The following OGDH variants were observed in gnomAD, a reference collection of about 807,000 sequenced individuals.
OGDH encodes the protein oxoglutarate dehydrogenase, also known as 2-oxoglutarate dehydrogenase complex component E1.
A neutral mutation model predicts 116.6 loss-of-function variants in OGDH; 38 were observed. The observed-to-expected ratio is 0.33, with a 90% CI of 0.25 to 0.43. OGDH has a LOEUF of 0.43. Ranked by LOEUF, OGDH falls within the 20% of genes least tolerant of loss-of-function variation. OGDH has a pLI of 1.00. For synonymous variants in OGDH, 488 were observed against 533.3 expected (o/e 0.92, Z 1.17); for missense variants, 825 against 1,357.2 (o/e 0.61, Z 6.16).
At position 44,694,029 on chromosome 7, in the gene OGDH, T is replaced by A. The variant is rs200201885; in HGVS notation, c.1515+25T>A. On this transcript the variant is annotated intron_variant, in intron 11 of 22. Transcript: ENST00000222673. This position sits in a 1 kb window ranked among gnomAD's most constrained non-coding sequence, Gnocchi z 4.2. ...GGTGAGTGACTCTGGGGACAGCACG[T>A]CCTGGGCAGAGCATCTGACCCACCC... 1.8e-5 allele frequency: 28 copies of A among 1,595,270 alleles called. No homozygotes were observed. In the African/African-American group the frequency reaches 3.6e-4, roughly 21 times the overall value.
intron 10 of OGDH, among the ~76,000 whole-genome samples, chr7:44,683,489 C>T (rs1788013886): frequency 6.6e-6 from 1 of 152,072 alleles, no homozygotes; most frequent in African/African-American, 2.4e-5. Flanking sequence ...TCTTGGTCTC[C>T]CAAAGCACTG....
chr7:44,624,093 T>C (rs911168981), intron 1 of OGDH, among the ~76,000 whole-genome samples: 2 of 152,072 alleles, frequency 1.3e-5, no homozygotes, highest in Non-Finnish European at 2.9e-5. Context: ...GCACATGAAC[T>C]GGTGGCACTG....
intron 10 of OGDH, among the ~76,000 whole-genome samples, chr7:44,685,421 A>C (rs1371340466): frequency 6.6e-6 from 1 of 152,208 alleles, no homozygotes; most frequent in East Asian, 1.9e-4. Flanking sequence ...CTCAAGGTCC[A>C]TCCACGTTAT....
intron 2 of OGDH, among the ~76,000 whole-genome samples, chr7:44,625,007 A>T (rs1222356385): frequency 1.3e-5 from 2 of 151,732 alleles, no homozygotes; most frequent in African/African-American, 2.4e-5. Flanking sequence ...TTATGTTCGT[A>T]TTTTTTTCCT....
intron 10 of OGDH, among the ~76,000 whole-genome samples, chr7:44,685,762 G>T (rs1355565517): frequency 6.6e-6 from 1 of 151,890 alleles, no homozygotes; most frequent in Non-Finnish European, 1.5e-5. Flanking sequence ...GGAATTACAG[G>T]TGTGCACCAC....
chr7:44,625,426 T>C lies in OGDH; in HGVS notation c.222+861T>C, dbSNP rs372204301. On this transcript the variant is annotated intron_variant, in intron 2 of 22. Transcript: ENST00000222673. Reference sequence around the variant, plus strand: ...AGGTATGATCAACCACGCCTGGCCATGTCATGCCTTGTGACAGAATTCCTT... The same window carrying C: ...AGGTATGATCAACCACGCCTGGCCACGTCATGCCTTGTGACAGAATTCCTT... Among the ~76,000 whole-genome samples the C allele has an allele frequency of 1.6e-4, 24 of 152,302 alleles. No individual in the cohort carries two copies. In the East Asian group the frequency reaches 2.7e-3, roughly 17 times the overall value.
Position 44,624,310 on chromosome 7 carries a change from T to TTTTTTTAAG in OGDH, c.-27-7_-27-6insTTTTTTAAG. 5 of 1,102,340 alleles carry TTTTTTTAAG rather than the reference T, an allele frequency of 4.5e-6. No homozygotes were observed. The highest frequency in any genetic ancestry group is 2.5e-6 in the Non-Finnish European group (2 of 812,452). The allele number at this position is 1,102,340 out of a possible 1,614,324, so 68.3% of individuals were successfully genotyped here. Reference sequence around the variant, plus strand: ...TTTCTTGTTTTTTTTTTTTTTTTTTTGTACAGGCAGTTGTGAAAAACTTCA... The same window carrying TTTTTTTAAG: ...TTTCTTGTTTTTTTTTTTTTTTTTTTTTTTTTAAGGTACAGGCAGTTGTGAAAAACTTCA... On this transcript the variant is annotated splice_region_variant and splice_polypyrimidine_tract_variant and intron_variant, in intron 1 of 22. Coordinates refer to ENST00000222673, the MANE Select transcript of OGDH (RefSeq NM_002541.4).
intron 3 of OGDH, 85 bp downstream of exon 3, chr7:44,645,603 T>C (rs1406134983): frequency 1.5e-6 from 2 of 1,307,504 alleles, no homozygotes; most frequent in East Asian, 4.9e-5. Flanking sequence ...CCTTTCTGAG[T>C]GTATGTTGTC....
rs866467335 is a variant in OGDH, at chr7:44,666,836, C to T, written c.618C>T (p.Ile206=). 1.2e-6 allele frequency: 2 copies of T among 1,609,064 alleles called. No individual in the cohort carries two copies. The highest frequency in any genetic ancestry group is 1.7e-6 in the Non-Finnish European group (2 of 1,177,394). Residue 206 remains isoleucine (I), a synonymous_variant, in exon 5 of 23, where the codon ATC becomes ATT. Coordinates refer to ENST00000222673, the MANE Select transcript of OGDH (RefSeq NM_002541.4). ...AATCAGCACTTCCTCTGCGGGAGATCATCCGTCGGCTGGAGGTAAGAGCAG... is the reference window on the plus strand; with the variant it reads ...AATCAGCACTTCCTCTGCGGGAGATTATCCGTCGGCTGGAGGTAAGAGCAG... ...GQESALPLRE[I]IRRLEMAYCQ... is the part of the protein sequence containing the mutation.
At chr7:44,627,739 G>A (rs1785264685) in intron 2 of OGDH, among the ~76,000 whole-genome samples, 1 of 152,052 alleles carries the variant, frequency 6.6e-6, no homozygotes, top group African/African-American at 2.4e-5. Flanking sequence ...GTGCAGTGAG[G>A]TGATCTCAGC....
intron 5 of OGDH, among the ~76,000 whole-genome samples, chr7:44,671,683 G>C (rs377289190): frequency 6.7e-6 from 1 of 149,914 alleles, no homozygotes; most frequent in East Asian, 2.0e-4. Context: ...CAGGAGAATC[G>C]CTTGAACCCG....
intron 5 of OGDH, among the ~76,000 whole-genome samples, chr7:44,670,766 T>G (rs993883664): frequency 6.6e-6 from 1 of 152,002 alleles, no homozygotes; most frequent in African/African-American, 2.4e-5. Context: ...ATCCCAGCAC[T>G]TTGGGAGGCC....
chr7:44,660,455 A>G (rs1480716659), intron 4 of OGDH, among the ~76,000 whole-genome samples: 1 of 152,038 alleles, frequency 6.6e-6, no homozygotes, highest in African/African-American at 2.4e-5. Context: ...CTTTCTTATT[A>G]TTGCTTTCTA....
Position 44,696,645 on chromosome 7 carries a change from A to G in OGDH, c.1900+88A>G. ...AGGACTGTGACCTTGGCCCCCACCC[A>G]TCATGTGTCCTACAGAGACTCCCTT... On this transcript the variant is annotated intron_variant, in intron 14 of 22. Transcript: ENST00000222673. 4 of 1,495,402 alleles carry G rather than the reference A, an allele frequency of 2.7e-6. No homozygotes were observed. In the South Asian group the frequency reaches 3.7e-5, roughly 14 times the overall value. The allele number at this position is 1,495,402 out of a possible 1,614,324, so 92.6% of individuals were successfully genotyped here. A position where few individuals can be genotyped will look rare whatever the true frequency, so the allele number is the denominator to read the frequency against.
chr7:44,698,398 G>C, intron 18 of OGDH, 135 bp downstream of exon 18: 4 of 872,026 alleles, frequency 4.6e-6, no homozygotes, highest in Admixed American at 2.2e-5. Context: ...GGGAGCTCAC[G>C]TGAGTGGACA....
chr7:44,633,316 A>G (rs1380637545), intron 2 of OGDH, among the ~76,000 whole-genome samples: 1 of 151,732 alleles, frequency 6.6e-6, no homozygotes, highest in Non-Finnish European at 1.5e-5. Flanking sequence ...AAAGGAGCAA[A>G]TTGTTCCAGT....
intron 1 of OGDH, among the ~76,000 whole-genome samples, chr7:44,620,716 T>C (rs1156859584): frequency 1.3e-5 from 2 of 152,046 alleles, no homozygotes; most frequent in African/African-American, 2.4e-5. Flanking sequence ...CAACACAAGT[T>C]TGTAAACTTT....
At position 44,666,719 on chromosome 7, in the gene OGDH, C is replaced by T; in HGVS notation, c.518-17C>T. The T allele has an allele frequency of 3.2e-6, 5 of 1,541,660 alleles. No individual in the cohort carries two copies. Among genetic ancestry groups the T allele is most frequent in the African/African-American group, 1.4e-5 (1 of 72,860 alleles). ...ATCCCTCCTCATCTGGCTTGTCCTG[C>T]CCACATCGCCCTGCAGGGTTCTATG... On this transcript the variant is annotated splice_polypyrimidine_tract_variant and intron_variant, in intron 4 of 22. Transcript: ENST00000222673.
chr7:44,691,305 C>A (rs553845245), intron 10 of OGDH, among the ~76,000 whole-genome samples: 1 of 152,184 alleles, frequency 6.6e-6, no homozygotes, highest in Non-Finnish European at 1.5e-5. Flanking sequence ...AAGAGGATTG[C>A]TTGAGCTCAG....
Sources: allele counts gnomAD v4.1 joint callset (sites outside exome capture counted in the v4.1 genomes callset), GRCh38; gene constraint gnomAD v4.1.1; non-coding constraint Gnocchi (gnomAD v3.1); transcripts MANE v1.5; gene names NCBI Gene and HGNC (gene_info 2026-07-23, HGNC 2026-07-21).